LPIN1: variants seen among roughly 807,000 people sequenced by gnomAD.
LPIN1 encodes phosphatidate phosphatase LPIN1.
Under a neutral mutation model 107.5 loss-of-function variants are expected in LPIN1, and 71 were observed. That is an observed-to-expected ratio of 0.66 (90% CI 0.55 to 0.80). The LOEUF (loss-of-function observed/expected upper bound fraction) is 0.80. Among genes scored for constraint, LPIN1 ranks in the 30% least tolerant of loss-of-function variants. The pLI, the probability that LPIN1 is intolerant of heterozygous loss-of-function variation, is 0.00. For missense variants in LPIN1, 1,043 were observed against 1,160.6 expected (o/e 0.90, Z 1.47); for synonymous variants, 445 against 452.6 (o/e 0.98, Z 0.21).
chr2:11,785,644 C>G (rs761890423), intron 10 of LPIN1, among the ~76,000 whole-genome samples: 5 of 152,094 alleles, frequency 3.3e-5, no homozygotes, highest in African/African-American at 9.7e-5. Flanking sequence ...GGCCCTGCAC[C>G]CCTCCCGCCC....
intron 1 of LPIN1, among the ~76,000 whole-genome samples, chr2:11,708,533 G>T (rs1365320935): frequency 1.3e-5 from 2 of 152,164 alleles, no homozygotes; most frequent in African/African-American, 2.4e-5. Flanking sequence ...GGCCATGCAT[G>T]CCAGACCTGG....
chr2:11,706,683 C>T (rs1473091196), intron 1 of LPIN1, among the ~76,000 whole-genome samples: 1 of 152,178 alleles, frequency 6.6e-6, no homozygotes, highest in African/African-American at 2.4e-5. Context: ...GATCCAATTC[C>T]CTTGAGTATG....
At chr2:11,750,499 A>T (rs533919208) in intron 1 of LPIN1, among the ~76,000 whole-genome samples, 1 of 152,336 alleles carries the variant, frequency 6.6e-6, no homozygotes, top group African/African-American at 2.4e-5. Context: ...GATATATACA[A>T]AGTCCCCTCT....
chr2:11,779,405 GC>G lies in LPIN1; in HGVS notation c.831-113del, dbSNP rs2148651209. On this transcript the variant is annotated intron_variant, in intron 6 of 20. Transcript: ENST00000674199. Reference sequence around the variant, plus strand: ...GATTTGTCATGAGGCTCCGCTCAGAGCGAACGACAGCTGGGGGTGCATTTTC... The same window carrying G: ...GATTTGTCATGAGGCTCCGCTCAGAGGAACGACAGCTGGGGGTGCATTTTC... The G allele has an allele frequency of 5.2e-6, 6 of 1,148,588 alleles. No homozygotes were observed. In the South Asian group the frequency reaches 6.3e-5, roughly 12 times the overall value. The allele number at this position is 1,148,588 out of a possible 1,614,324, so 71.1% of individuals were successfully genotyped here. A position where few individuals can be genotyped will look rare whatever the true frequency, so the allele number is the denominator to read the frequency against.
chr2:11,776,303 C>T, intron 6 of LPIN1, 110 bp downstream of exon 6: 2 of 591,970 alleles, frequency 3.4e-6, no homozygotes, highest in Non-Finnish European at 5.7e-6. Flanking sequence ...AAGAAAATAC[C>T]TGTAGATTAT....
At chr2:11,705,946 G>T (rs1433970745) in intron 1 of LPIN1, among the ~76,000 whole-genome samples, 1 of 152,124 alleles carries the variant, frequency 6.6e-6, no homozygotes, top group Non-Finnish European at 1.5e-5. Context: ...ATTGAATTAT[G>T]GGGGCAGGTC....
rs372427520 is a variant in LPIN1, at chr2:11,683,909, G to A, written c.81+6181G>A. ...TGCCTTGAGCCTCTCCCAGCCCTGGGCTCTTCATCTTTAAACTGGGGCTGA... is the reference window on the plus strand; with the variant it reads ...TGCCTTGAGCCTCTCCCAGCCCTGGACTCTTCATCTTTAAACTGGGGCTGA... On this transcript the variant is annotated intron_variant, in intron 1 of 21. Transcript: ENST00000449576. Among the ~76,000 whole-genome samples the A allele has an allele frequency of 1.6e-4, 25 of 152,316 alleles. No homozygotes were observed. The East Asian group carries it at 4.8e-3, about 29-fold the overall frequency.
chr2:11,811,885 T>C (rs1418729171), intron 17 of LPIN1, among the ~76,000 whole-genome samples: 1 of 152,004 alleles, frequency 6.6e-6, no homozygotes, highest in Non-Finnish European at 1.5e-5. Flanking sequence ...CTCAGGAGGC[T>C]GAGGCAGGAG....
rs1354955148 is a variant in LPIN1, at chr2:11,752,432, C to CTTTTTTTTTTTTTTTTT, written c.-10+5761_-10+5762insTTTTTTTTTTTTTTTTT. Among the ~76,000 whole-genome samples the CTTTTTTTTTTTTTTTTT allele has an allele frequency of 2.8e-4, 23 of 82,632 alleles. 2 individuals are homozygous for CTTTTTTTTTTTTTTTTT. Among genetic ancestry groups the CTTTTTTTTTTTTTTTTT allele is most frequent in the African/African-American group, 1.8e-3 (23 of 12,684 alleles). The allele number at this position is 82,632 out of a possible 152,430, so 54.2% of individuals were successfully genotyped here. ...TTTTTCTTTTGAGCTGTTCCAAGGC[C>CTTTTTTTTTTTTTTTTT]ATTTTTTTTTTTTTTTTGAGACGGA... On this transcript the variant is annotated intron_variant, in intron 1 of 20. Transcript: ENST00000674199.
Position 11,771,540 on chromosome 2 carries a change from AAGAAG to A in LPIN1, c.464_468del (p.Arg155LysfsTer15). The A allele has an allele frequency of 1.9e-6, 3 of 1,614,122 alleles. No individual in the cohort carries two copies. Among genetic ancestry groups the A allele is most frequent in the Non-Finnish European group, 1.7e-6 (2 of 1,180,010 alleles). On this transcript the variant is annotated frameshift_variant, in exon 4 of 21. Transcript: ENST00000674199. LOFTEE classifies it high-confidence loss of function. The surrounding 1 kb of genome is among the most constrained non-coding windows in gnomAD (Gnocchi z 4.8). ...GACGCCGTCAAGCAGCTCTGTAGTA[AAGAAG>A]AGAAGAAAAAGGAGGAGAAAGTCAC...
chr2:11,701,815 G>A (rs1186502682), intron 1 of LPIN1, among the ~76,000 whole-genome samples: 1 of 152,224 alleles, frequency 6.6e-6, no homozygotes, highest in African/African-American at 2.4e-5. Context: ...ACAGAAAGCT[G>A]CTGGTATTAT....
chr2:11,736,538 G>A (rs548652504), intron 1 of LPIN1, among the ~76,000 whole-genome samples: 1 of 152,286 alleles, frequency 6.6e-6, no homozygotes, highest in South Asian at 2.1e-4. Flanking sequence ...CAGCACAGTG[G>A]GGACTAGGGT....
intron 1 of LPIN1, among the ~76,000 whole-genome samples, chr2:11,699,785 A>T (rs1662774419): frequency 1.3e-5 from 2 of 152,166 alleles, no homozygotes; most frequent in African/African-American, 4.8e-5. Flanking sequence ...GGCACAGGCA[A>T]GCAAAGTGAT....
At chr2:11,790,734 G>A (rs748152857) in intron 12 of LPIN1, among the ~76,000 whole-genome samples, 1 of 152,182 alleles carries the variant, frequency 6.6e-6, no homozygotes, top group African/African-American at 2.4e-5. Context: ...TGTGAATTTA[G>A]ATTTATTTCT....
chr2:11,726,066 C>G (rs941534041), intron 1 of LPIN1, among the ~76,000 whole-genome samples: 1 of 152,158 alleles, frequency 6.6e-6, no homozygotes, highest in Non-Finnish European at 1.5e-5. Context: ...AATGCACTGT[C>G]CCTTCATCAG....
At chr2:11,823,676 G>A (rs940891324) in intron 20 of LPIN1, among the ~76,000 whole-genome samples, 3 of 152,212 alleles carry the variant, frequency 2.0e-5, no homozygotes, top group Non-Finnish European at 4.4e-5. Context: ...GCAGTGGGCT[G>A]GGTGTGCCAG....
intron 1 of LPIN1, among the ~76,000 whole-genome samples, chr2:11,706,235 C>T (rs928624101): frequency 2.0e-5 from 3 of 152,154 alleles, no homozygotes; most frequent in Non-Finnish European, 4.4e-5. Flanking sequence ...GATTGTGTTA[C>T]AAAAAGAAGA....
intron 19 of LPIN1, among the ~76,000 whole-genome samples, chr2:11,820,050 T>C (rs1256031773): frequency 6.6e-6 from 1 of 152,230 alleles, no homozygotes; most frequent in Non-Finnish European, 1.5e-5. Context: ...CTAAGTATTC[T>C]AGAGAATGTA....
chr2:11,703,936 T>G (rs1663006314), intron 1 of LPIN1, among the ~76,000 whole-genome samples: 1 of 152,204 alleles, frequency 6.6e-6, no homozygotes, highest in African/African-American at 2.4e-5. Flanking sequence ...ATGTGACTGG[T>G]GGATGGGCTG....
Sources: gnomAD v4.1 joint callset for allele counts (sites outside exome capture counted in the v4.1 genomes callset) on GRCh38, gnomAD v4.1.1 for gene constraint, Gnocchi (gnomAD v3.1) non-coding constraint, MANE v1.5 for transcripts, NCBI Gene and HGNC (gene_info 2026-07-23, HGNC 2026-07-21) for gene names.